Variants in SAMMSON observed in about 807,000 individuals in gnomAD.
SAMMSON encodes the protein long intergenic non-protein coding RNA 1212.
intron 4 of SAMMSON, chr3:70,125,070 A>G: frequency 1.2e-6 from 1 of 858,188 alleles, no homozygotes; most frequent in Non-Finnish European, 1.9e-6. Flanking sequence ...AATTTTTAAC[A>G]CTTTCTTTTT....
intron 3 of SAMMSON, among the ~76,000 whole-genome samples, chr3:70,054,477 C>T (rs767961429): frequency 2.0e-5 from 3 of 152,114 alleles, no homozygotes; most frequent in South Asian, 2.1e-4. Context: ...GTTGACTTTG[C>T]ATCCTCTCTT....
At chr3:70,327,685 A>G (rs1247341030) in intron 7 of SAMMSON, among the ~76,000 whole-genome samples, 2 of 152,184 alleles carry the variant, frequency 1.3e-5, no homozygotes, top group South Asian at 2.1e-4. Context: ...TGTTTCCACC[A>G]GGCAGAATAA....
intron 4 of SAMMSON, among the ~76,000 whole-genome samples, chr3:70,132,219 A>G (rs1025252166): frequency 7.2e-5 from 11 of 152,276 alleles, no homozygotes; most frequent in Non-Finnish European, 1.3e-4. Context: ...TGTGACTTCA[A>G]TACAGCAGCC....
In SAMMSON at chr3:70,112,491, T is replaced by C. The variant is rs576437971; in HGVS notation, n.507+40926T>C. 6.6e-5 allele frequency among the ~76,000 whole-genome samples: 10 copies of C among 151,904 alleles called. No homozygotes were observed. In the South Asian group the frequency reaches 1.9e-3, roughly 29 times the overall value. ...GAAGAAGCAATTGTGAGTCAGGAAA[T>C]TGGAAATTATATGAGTTAGCCTGAA... On this transcript the variant is annotated intron_variant and non_coding_transcript_variant, in intron 4 of 9. Transcript: ENST00000642114.
At chr3:70,130,144 C>T (rs1046933757) in intron 4 of SAMMSON, among the ~76,000 whole-genome samples, 2 of 152,132 alleles carry the variant, frequency 1.3e-5, no homozygotes, top group Admixed American at 6.5e-5. Flanking sequence ...ACAGCTGTCC[C>T]ACCATTGAAT....
At chr3:70,002,485 G>GCCA (rs2066909985) in intron 1 of SAMMSON, among the ~76,000 whole-genome samples, 1 of 152,108 alleles carries the variant, frequency 6.6e-6, no homozygotes, top group African/African-American at 2.4e-5. Context: ...AGAAAAGCCA[G>GCCA]CCACCAAGTC....
At position 70,100,256 on chromosome 3, in the gene SAMMSON, G is replaced by T. The variant is rs191428295; in HGVS notation, n.507+28691G>T. Among the ~76,000 whole-genome samples the T allele has an allele frequency of 6.6e-5, 10 of 151,898 alleles. No individual in the cohort carries two copies. In the East Asian group the frequency reaches 1.9e-3, roughly 30 times the overall value. ...CAACCTCCCAGGCTCAAGCAATCCT[G>T]CCACCTCAGCCCTCTGAGTAACTAG... On this transcript the variant is annotated intron_variant and non_coding_transcript_variant, in intron 4 of 9. Coordinates refer to ENST00000642114, the Ensembl canonical transcript of SAMMSON.
chr3:70,419,089 A>T (rs1701290693), intron 2 of SAMMSON, among the ~76,000 whole-genome samples: 1 of 149,372 alleles, frequency 6.7e-6, no homozygotes, highest in Admixed American at 6.8e-5. Flanking sequence ...CAGTGGCATG[A>T]TCTCTGCTCA....
intron 2 of SAMMSON, among the ~76,000 whole-genome samples, chr3:70,420,461 G>A (rs1240291825): frequency 2.0e-5 from 3 of 152,288 alleles, no homozygotes; most frequent in African/African-American, 4.8e-5. Context: ...ATTAATGTAC[G>A]AGAACCACTA....
chr3:70,380,776 G>A (rs968288850), intron 9 of SAMMSON, among the ~76,000 whole-genome samples: 75 of 151,162 alleles, frequency 5.0e-4, no homozygotes, highest in African/African-American at 1.8e-3. Context: ...TCCCACCTAT[G>A]AGTGAGAGTA....
chr3:70,306,140 C>G (rs959938818), intron 7 of SAMMSON, among the ~76,000 whole-genome samples: 3 of 152,090 alleles, frequency 2.0e-5, no homozygotes, highest in African/African-American at 4.8e-5. Context: ...GTCTTGCTCT[C>G]TTACTCAGGC....
chr3:70,337,756 C>A (rs538825835), intron 7 of SAMMSON, among the ~76,000 whole-genome samples: 17 of 151,970 alleles, frequency 1.1e-4, no homozygotes, highest in Non-Finnish European at 2.5e-4. Context: ...TACTCATGTA[C>A]TCCAAGAAAA....
intron 4 of SAMMSON, among the ~76,000 whole-genome samples, chr3:70,077,385 A>G (rs938913716): frequency 6.6e-6 from 1 of 152,216 alleles, no homozygotes; most frequent in Non-Finnish European, 1.5e-5. Context: ...TAGATTGCAT[A>G]CATATGTGAT....
At chr3:70,325,164 C>T (rs1010959007) in intron 7 of SAMMSON, among the ~76,000 whole-genome samples, 48 of 152,044 alleles carry the variant, frequency 3.2e-4, no homozygotes, top group Non-Finnish European at 6.6e-4. Flanking sequence ...CAGTGATTCT[C>T]AGAAAGAGAA....
rs113986924 is a variant in SAMMSON at position 70,063,607 on chromosome 3, A to G, written n.418-7869A>G. ...CAGATTTTCATCTGAAGTCCCTCCT[A>G]CAGAGAAATTCTAGAGCTGCCACTG... On this transcript the variant is annotated intron_variant and non_coding_transcript_variant, in intron 3 of 9. Transcript: ENST00000642114. Among the ~76,000 whole-genome samples the G allele has an allele frequency of 2.6e-5, 4 of 152,148 alleles. 1 individual carries two copies. The highest frequency in any genetic ancestry group is 9.6e-5 in the African/African-American group (4 of 41,528).
At chr3:70,309,795 C>A (rs57078170) in intron 7 of SAMMSON, among the ~76,000 whole-genome samples, 1 of 151,920 alleles carries the variant, frequency 6.6e-6, no homozygotes. Context: ...AAACATAATT[C>A]GAGTGTAGCT....
intron 4 of SAMMSON, among the ~76,000 whole-genome samples, chr3:70,230,556 ACTCT>A (rs1471902501): frequency 6.6e-6 from 1 of 151,966 alleles, no homozygotes; most frequent in African/African-American, 2.4e-5. Flanking sequence ...GAATAATGGA[ACTCT>A]CTCTTGAAAT....
At chr3:70,184,307 C>T (rs1701075729) in intron 4 of SAMMSON, 1 of 152,156 alleles carries the variant, frequency 6.6e-6, no homozygotes, top group Non-Finnish European at 1.5e-5. Context: ...TGCAGGACTT[C>T]TCAGAGCCTT....
rs1006952285 is a variant in SAMMSON, at chr3:70,346,175, A to G, written n.740-8000A>G. Among the ~76,000 whole-genome samples the G allele has an allele frequency of 2.0e-5, 3 of 152,118 alleles. No individual in the cohort carries two copies. The South Asian group carries it at 6.2e-4, about 32-fold the overall frequency. On this transcript the variant is annotated intron_variant and non_coding_transcript_variant, in intron 7 of 9. Transcript: ENST00000642114. ...TTAATTTTTTTGGATTTTAGCCATT[A>G]TGATAGGTATGGCATTTCTTATTGT...
Sources: gnomAD v4.1 joint callset for allele counts (sites outside exome capture counted in the v4.1 genomes callset) on GRCh38, gnomAD v4.1.1 for gene constraint, MANE v1.5 for transcripts, NCBI Gene and HGNC (gene_info 2026-07-23, HGNC 2026-07-21) for gene names.